The following ASIC2 variants were observed in gnomAD, a reference collection of about 807,000 sequenced individuals.
The protein encoded by ASIC2 is acid-sensing ion channel 2.
In ASIC2, 25 loss-of-function variants were observed where a neutral mutation model predicts 57.3. The ratio of observed to expected loss-of-function variants is 0.44; its 90% confidence interval spans 0.32 to 0.61. ASIC2 has a LOEUF of 0.61. Ranked by LOEUF, ASIC2 falls within the 20% of genes least tolerant of loss-of-function variation. The pLI is 0.06. For missense variants in ASIC2, 641 were observed against 738.1 expected, an observed-to-expected ratio of 0.87 and a Z score of 1.52; for synonymous variants, 319 against 307.5, an observed-to-expected ratio of 1.04 and a Z score of -0.39.
chr17:33,304,523 A>G (rs1906090535), intron 1 of ASIC2, among the ~76,000 whole-genome samples: 2 of 152,186 alleles, frequency 1.3e-5, no homozygotes, highest in South Asian at 4.1e-4. Flanking sequence ...CCAGCCTGGC[A>G]CTGCCCACCA....
intron 1 of ASIC2, among the ~76,000 whole-genome samples, chr17:33,260,149 A>G (rs752614717): frequency 3.3e-5 from 5 of 152,154 alleles, no homozygotes; most frequent in Non-Finnish European, 7.3e-5. Context: ...TAAAAAAGAA[A>G]AATGCAGAGG....
intron 1 of ASIC2, among the ~76,000 whole-genome samples, chr17:33,916,271 A>T (rs1415471797): frequency 1.3e-5 from 2 of 152,182 alleles, no homozygotes; most frequent in East Asian, 3.9e-4. Flanking sequence ...CTGCTGAGAC[A>T]AAGACCATTT....
At chr17:33,118,983 G>A (rs2092291301) in intron 1 of ASIC2, among the ~76,000 whole-genome samples, 1 of 152,142 alleles carries the variant, frequency 6.6e-6, no homozygotes, top group Non-Finnish European at 1.5e-5. Flanking sequence ...AGCCCTTACT[G>A]AGAGGAGTTA....
chr17:33,292,017 C>A lies in ASIC2; in HGVS notation c.99G>T (p.Ala33=), dbSNP rs1259421193. 20 of 1,197,670 alleles carry A rather than the reference C, an allele frequency of 1.7e-5. No individual in the cohort carries two copies. Among genetic ancestry groups the A allele is most frequent in the Non-Finnish European group, 2.0e-5 (19 of 971,114 alleles). 74.2% of individuals were successfully genotyped at this position (1,197,670 alleles called of 1,614,324 possible). ...TGCCGCCCCCGGGCTGCCCGGCAGC[C>A]GCCAACGCCGCGGGCGCCGGCTCCT... ...AREEPAPAAL[A]AAGQPGGGRG... Residue 33 remains alanine, a synonymous_variant, in exon 1 of 10, where the codon GCG becomes GCT. Coordinates refer to ENST00000225823, the MANE Select transcript of ASIC2 (RefSeq NM_183377.2).
At chr17:33,217,174 G>A (rs748356568) in intron 1 of ASIC2, among the ~76,000 whole-genome samples, 25 of 152,190 alleles carry the variant, frequency 1.6e-4, no homozygotes, top group Non-Finnish European at 3.1e-4. Flanking sequence ...CTCTTGGACA[G>A]CAAAAGGCCC....
intron 1 of ASIC2, among the ~76,000 whole-genome samples, chr17:33,575,329 T>C (rs1379971648): frequency 1.3e-5 from 2 of 152,232 alleles, no homozygotes; most frequent in African/African-American, 2.4e-5. Context: ...ACAAGTTCCA[T>C]AGATGCCATA....
At chr17:33,579,286 C>CAAA (rs71362894) in intron 1 of ASIC2, among the ~76,000 whole-genome samples, 19,879 of 103,160 alleles carry the variant, frequency 0.19, 1,961 homozygotes, top group South Asian at 0.33. Flanking sequence ...AACTGTGTCT[C>CAAA]AAAAAAAAAA....
chr17:33,665,919 G>C (rs928421493), intron 1 of ASIC2, among the ~76,000 whole-genome samples: 2 of 152,142 alleles, frequency 1.3e-5, no homozygotes, highest in Non-Finnish European at 2.9e-5. Context: ...CCCAGGCTGG[G>C]TTAGGGGCCC....
At chr17:33,363,768 A>G (rs139462433) in intron 1 of ASIC2, among the ~76,000 whole-genome samples, 12 of 152,286 alleles carry the variant, frequency 7.9e-5, no homozygotes, top group African/African-American at 2.9e-4. Context: ...AAGGTGATCT[A>G]TGGCTCCACA....
At chr17:33,039,832 C>CT (rs2091923216) in intron 3 of ASIC2, among the ~76,000 whole-genome samples, 1 of 152,184 alleles carries the variant, frequency 6.6e-6, no homozygotes, top group African/African-American at 2.4e-5. Flanking sequence ...CCCTCCCCAT[C>CT]TTTTTCTCTC....
intron 1 of ASIC2, among the ~76,000 whole-genome samples, chr17:33,600,389 TTC>T (rs1361946559): frequency 6.6e-6 from 1 of 152,152 alleles, no homozygotes; most frequent in Non-Finnish European, 1.5e-5. Context: ...CCAGAGAAAT[TTC>T]TGTTTATTAT....
intron 1 of ASIC2, among the ~76,000 whole-genome samples, chr17:33,174,282 G>A (rs1255600748): frequency 1.3e-5 from 2 of 152,020 alleles, no homozygotes; most frequent in Non-Finnish European, 2.9e-5. Flanking sequence ...TTAGCCAGGT[G>A]TGGTGGTGCG....
At chr17:33,141,965 A>G (rs1308625910) in intron 1 of ASIC2, among the ~76,000 whole-genome samples, 3 of 152,248 alleles carry the variant, frequency 2.0e-5, no homozygotes, top group South Asian at 2.1e-4. Flanking sequence ...TCAATTTGTT[A>G]CAAAATGAAA....
chr17:33,896,831 C>T (rs1232863925), intron 1 of ASIC2, among the ~76,000 whole-genome samples: 1 of 152,190 alleles, frequency 6.6e-6, no homozygotes, highest in African/African-American at 2.4e-5. Flanking sequence ...GCTTAGAAGG[C>T]AAAATTTACA....
chr17:33,396,977 T>C (rs1326705546), intron 1 of ASIC2, among the ~76,000 whole-genome samples: 1 of 152,210 alleles, frequency 6.6e-6, no homozygotes, highest in Non-Finnish European at 1.5e-5. Flanking sequence ...CCCCTACCTG[T>C]TGAATTCTGA....
chr17:33,229,067 G>T (rs1907991964), intron 1 of ASIC2, among the ~76,000 whole-genome samples: 1 of 152,162 alleles, frequency 6.6e-6, no homozygotes, highest in South Asian at 2.1e-4. Context: ...AACTAGCCTC[G>T]ACATTTCCCT....
rs149097386 is a variant in ASIC2 at position 34,095,356 on chromosome 17, G to A, written c.555+60622C>T. Among the ~76,000 whole-genome samples, 361 of 152,164 alleles carry A rather than the reference G, an allele frequency of 2.4e-3. 2 individuals carry two copies. The highest frequency in any genetic ancestry group is 8.1e-3 in the African/African-American group (335 of 41,498). On this transcript the variant is annotated intron_variant, in intron 1 of 9. Coordinates refer to the ASIC2 transcript ENST00000359872. Reference sequence around the variant, plus strand: ...TCCAGGCACCTGAGGTATAAAGCTGGCAGTGCCATCAAAGACAGGCTGGTG... The same window carrying A: ...TCCAGGCACCTGAGGTATAAAGCTGACAGTGCCATCAAAGACAGGCTGGTG...
intron 1 of ASIC2, among the ~76,000 whole-genome samples, chr17:33,619,150 C>G (rs1382723474): frequency 1.3e-5 from 2 of 152,136 alleles, no homozygotes; most frequent in Non-Finnish European, 1.5e-5. Context: ...GTACTTGAAT[C>G]AAAGTACGGA....
At chr17:34,093,119 G>A (rs1274507771) in intron 1 of ASIC2, among the ~76,000 whole-genome samples, 2 of 152,160 alleles carry the variant, frequency 1.3e-5, no homozygotes, top group African/African-American at 2.4e-5. Flanking sequence ...GGTAATAGAA[G>A]CTTTATTTTC....
Sources: allele counts gnomAD v4.1 joint callset (sites outside exome capture counted in the v4.1 genomes callset), GRCh38; gene constraint gnomAD v4.1.1; transcripts MANE v1.5; gene names NCBI Gene and HGNC (gene_info 2026-07-23, HGNC 2026-07-21).